KCNT1: variants seen among roughly 807,000 people sequenced by gnomAD.
KCNT1 encodes potassium channel subfamily T member 1.
A neutral mutation model predicts 147.8 loss-of-function variants in KCNT1; 78 were observed. The ratio of observed to expected loss-of-function variants is 0.53; its 90% CI spans 0.44 to 0.64. KCNT1 has a LOEUF of 0.64. Among genes scored for constraint, KCNT1 ranks in the 30% least tolerant of loss-of-function variants. The pLI is 0.00. For synonymous variants in KCNT1, 867 were observed against 748.8 expected (o/e 1.16, Z -2.58); for missense variants, 1,419 against 1,750.3 (o/e 0.81, Z 3.38).
chr9:135,785,555 G>C (rs1385243546), intron 28 of KCNT1: 2 of 654,896 alleles, frequency 3.1e-6, no homozygotes, highest in Non-Finnish European at 2.7e-6. Flanking sequence ...GGCCTGGGGG[G>C]AGTAGCCTGT....
intron 2 of KCNT1, among the ~76,000 whole-genome samples, chr9:135,733,971 G>A (rs1266814004): frequency 6.8e-6 from 1 of 147,672 alleles, no homozygotes; most frequent in African/African-American, 2.5e-5. Flanking sequence ...TAGTCCTTCA[G>A]GAAGTCTAGC....
At chr9:135,737,789 C>T (rs1048549971) in intron 2 of KCNT1, among the ~76,000 whole-genome samples, 4 of 152,192 alleles carry the variant, frequency 2.6e-5, no homozygotes, top group Non-Finnish European at 4.4e-5. Context: ...GGGCCCCTCC[C>T]GGCACCCCCA....
chr9:135,792,279 A>G lies in KCNT1; in HGVS notation c.*118A>G, dbSNP rs1010518722. 5.4e-6 allele frequency: 7 copies of G among 1,306,234 alleles called. No individual in the cohort carries two copies. Among genetic ancestry groups the G allele is most frequent in the East Asian group, 5.2e-5 (2 of 38,636 alleles). 80.9% of individuals were successfully genotyped at this position (1,306,234 alleles called of 1,614,324 possible). A position where few individuals can be genotyped will look rare whatever the true frequency, so the allele number is the denominator to read the frequency against. On this transcript the variant is annotated 3_prime_UTR_variant, in exon 31 of 31. Coordinates refer to ENST00000371757, the MANE Select transcript of KCNT1 (RefSeq NM_020822.3). ...CTGGGGATGGCACACTCTACTCACC[A>G]TGGCTCCTGGGACTCCACCCTGGAA...
At chr9:135,755,246 G>A (rs1831407181) in intron 6 of KCNT1, 77 bp downstream of exon 6, 2 of 1,326,084 alleles carry the variant, frequency 1.5e-6, no homozygotes, top group Admixed American at 2.3e-5. Context: ...GACTCAGTAA[G>A]TAGGGAACCC....
At chr9:135,792,015 C>T (rs553714953) in intron 30 of KCNT1, 26 bp from the exon 31 acceptor site, 2 of 1,603,442 alleles carry the variant, frequency 1.2e-6, no homozygotes, top group Admixed American at 3.3e-5. Context: ...CACATCCACT[C>T]CAGGGTCCTC....
At chr9:135,750,008 GA>G in intron 2 of KCNT1, 89 bp from the exon 3 acceptor site, 3 of 1,012,598 alleles carry the variant, frequency 3.0e-6, no homozygotes, top group Non-Finnish European at 4.6e-6. Flanking sequence ...TGGAAAGTTG[GA>G]AGAAGTCAGT....
intron 1 of KCNT1, among the ~76,000 whole-genome samples, chr9:135,707,452 C>T (rs1003999050): frequency 3.1e-4 from 47 of 152,294 alleles, no homozygotes; most frequent in Non-Finnish European, 2.8e-4. Context: ...TGACAGCTGA[C>T]GTGTGCAGTC....
Position 135,768,240 on chromosome 9 carries a change from CGGGGGGG to C in KCNT1, c.1338-359_1338-353del, listed in dbSNP as rs751932639. ...AGTCTGGAGAGGCCCAGGATGCCTG[CGGGGGGG>C]GGGGGGGGGGCACTGGGATACCGGT... On this transcript the variant is annotated intron_variant, in intron 13 of 30. Coordinates refer to ENST00000371757, the MANE Select transcript of KCNT1 (RefSeq NM_020822.3). Among the ~76,000 whole-genome samples the C allele has an allele frequency of 3.9e-4, 2 of 5,084 alleles. 1 individual carries two copies. The highest frequency in any genetic ancestry group is 5.9e-4 in the Non-Finnish European group (2 of 3,364). The allele number at this position is 5,084 out of a possible 152,430, so 3.3% of individuals were successfully genotyped here.
At chr9:135,741,050 C>G (rs1348267311) in intron 2 of KCNT1, among the ~76,000 whole-genome samples, 1 of 152,220 alleles carries the variant, frequency 6.6e-6, no homozygotes, top group Non-Finnish European at 1.5e-5. Flanking sequence ...CCGCTGCCCT[C>G]CCCTTGGGAG....
intron 2 of KCNT1, among the ~76,000 whole-genome samples, chr9:135,725,005 G>A (rs1836074590): frequency 6.6e-6 from 1 of 152,242 alleles, no homozygotes; most frequent in South Asian, 2.1e-4. Flanking sequence ...AATCTTGGTG[G>A]AAGCAGCGCT....
intron 15 of KCNT1, among the ~76,000 whole-genome samples, chr9:135,769,547 G>T (rs1462870792): frequency 1.3e-5 from 2 of 152,204 alleles, no homozygotes; most frequent in African/African-American, 2.4e-5. Context: ...CAGAGGTCAG[G>T]TGGGGGCAGG....
intron 2 of KCNT1, among the ~76,000 whole-genome samples, chr9:135,725,053 G>A (rs557782546): frequency 2.0e-5 from 3 of 152,256 alleles, no homozygotes; most frequent in East Asian, 3.9e-4. Context: ...GCAACTGCGT[G>A]GGGGGGCGTG....
chr9:135,783,390 C>T (rs1833760785), intron 24 of KCNT1, among the ~76,000 whole-genome samples: 1 of 150,068 alleles, frequency 6.7e-6, no homozygotes, highest in South Asian at 2.1e-4. Context: ...GAGAAGGAGG[C>T]CCCCAGGCCT....
Position 135,793,468 on chromosome 9 carries a change from CG to C in KCNT1, c.*1308del, listed in dbSNP as rs1564404395. 3 of 152,240 alleles carry C rather than the reference CG, an allele frequency of 2.0e-5. No homozygotes were observed. The highest frequency in any genetic ancestry group is 2.0e-4 in the Admixed American group (3 of 15,286). 9.4% of individuals were successfully genotyped at this position (152,240 alleles called of 1,614,324 possible). A position where few individuals can be genotyped will look rare whatever the true frequency, so the allele number is the denominator to read the frequency against. ...GGGCACAGAGACCCCAGGCTCTGCC[CG>C]CAGTGGCACAGAACTCATCTGAGGC... On this transcript the variant is annotated 3_prime_UTR_variant, in exon 31 of 31. Transcript: ENST00000371757.
At chr9:135,731,336 A>G (rs1487483500) in intron 2 of KCNT1, among the ~76,000 whole-genome samples, 2 of 152,192 alleles carry the variant, frequency 1.3e-5, no homozygotes, top group East Asian at 3.8e-4. Context: ...AGTGTCCTGC[A>G]TACCCACAAT....
At chr9:135,718,568 G>A (rs1331583639) in intron 2 of KCNT1, among the ~76,000 whole-genome samples, 4 of 152,340 alleles carry the variant, frequency 2.6e-5, no homozygotes, top group South Asian at 2.1e-4. Flanking sequence ...TGGAAGTGCC[G>A]CTTGGTCTCT....
chr9:135,771,530 C>T (rs1853136432), intron 18 of KCNT1, among the ~76,000 whole-genome samples: 1 of 152,234 alleles, frequency 6.6e-6, no homozygotes, highest in African/African-American at 2.4e-5. Flanking sequence ...CAACCGGAGG[C>T]TCCTGGTGGT....
At chr9:135,791,692 C>G (rs919033462) in intron 29 of KCNT1, 105 bp from the exon 30 acceptor site, 3 of 975,866 alleles carry the variant, frequency 3.1e-6, no homozygotes, top group South Asian at 1.4e-5. Flanking sequence ...TCAGGAAGGC[C>G]GGAAAGACTC....
chr9:135,739,150 C>G (rs1355257324), intron 2 of KCNT1, among the ~76,000 whole-genome samples: 1 of 152,126 alleles, frequency 6.6e-6, no homozygotes, highest in African/African-American at 2.4e-5. Context: ...CTGGCCCTAG[C>G]ACTGCACTGG....
Sources: allele counts gnomAD v4.1 joint callset (sites outside exome capture counted in the v4.1 genomes callset), GRCh38; gene constraint gnomAD v4.1.1; transcripts MANE v1.5; gene names NCBI Gene and HGNC (gene_info 2026-07-23, HGNC 2026-07-21).